LRRC4C: variants seen among roughly 807,000 people sequenced by gnomAD.
LRRC4C encodes leucine-rich repeat-containing protein 4C.
LRRC4C carries 5 observed loss-of-function variants against 33.6 expected under a neutral mutation model. The observed-to-expected ratio is 0.15, with a 90% confidence interval of 0.08 to 0.31. The LOEUF (loss-of-function observed/expected upper bound fraction) is 0.31. LRRC4C is among the 10% of genes least tolerant of loss of function. The pLI is 1.00. For synonymous variants in LRRC4C, 329 were observed against 302.0 expected, an observed-to-expected ratio of 1.09 and a Z score of -0.93; for missense variants, 560 against 796.7, an observed-to-expected ratio of 0.70 and a Z score of 3.58.
At chr11:40,500,704 A>G (rs1954719721) in intron 3 of LRRC4C, among the ~76,000 whole-genome samples, 1 of 152,056 alleles carries the variant, frequency 6.6e-6, no homozygotes, top group Non-Finnish European at 1.5e-5. Flanking sequence ...TCCACAACAC[A>G]TGGAAATTAT....
intron 3 of LRRC4C, among the ~76,000 whole-genome samples, chr11:40,549,603 T>G (rs1019717743): frequency 6.6e-6 from 1 of 152,098 alleles, no homozygotes; most frequent in African/African-American, 2.4e-5. Flanking sequence ...GTCTAAGAAA[T>G]AAGAAAGCTG....
At chr11:40,782,426 C>T (rs1190728300) in intron 2 of LRRC4C, among the ~76,000 whole-genome samples, 1 of 151,444 alleles carries the variant, frequency 6.6e-6, no homozygotes, top group African/African-American at 2.4e-5. Flanking sequence ...GCCCACAGCT[C>T]CTCCCACCTA....
chr11:41,252,939 T>G (rs1046941329), intron 1 of LRRC4C, among the ~76,000 whole-genome samples: 1 of 152,134 alleles, frequency 6.6e-6, no homozygotes, highest in Non-Finnish European at 1.5e-5. Context: ...ACTGTGTCCC[T>G]CCTACAACAT....
At chr11:41,335,278 C>A (rs1314228829) in intron 1 of LRRC4C, among the ~76,000 whole-genome samples, 1 of 152,044 alleles carries the variant, frequency 6.6e-6, no homozygotes, top group Non-Finnish European at 1.5e-5. Flanking sequence ...TAAAAGCAGA[C>A]CAGTAAACTA....
At chr11:40,797,883 C>T (rs1033902374) in intron 2 of LRRC4C, among the ~76,000 whole-genome samples, 1 of 152,200 alleles carries the variant, frequency 6.6e-6, no homozygotes, top group Non-Finnish European at 1.5e-5. Context: ...ACTCCATCTA[C>T]ATGACAAATA....
At chr11:40,981,805 C>T (rs913433917) in intron 1 of LRRC4C, among the ~76,000 whole-genome samples, 14 of 152,200 alleles carry the variant, frequency 9.2e-5, no homozygotes, top group Admixed American at 2.6e-4. Flanking sequence ...TTACAATATT[C>T]CATTAGCCAA....
At chr11:40,771,078 T>G (rs1949736782) in intron 2 of LRRC4C, among the ~76,000 whole-genome samples, 1 of 152,246 alleles carries the variant, frequency 6.6e-6, no homozygotes, top group African/African-American at 2.4e-5. Flanking sequence ...TGAACTCACC[T>G]TTCCCTTCTG....
chr11:40,437,958 C>A (rs769150389), intron 3 of LRRC4C, among the ~76,000 whole-genome samples: 10 of 152,156 alleles, frequency 6.6e-5, no homozygotes, highest in Non-Finnish European at 1.2e-4. Flanking sequence ...CATCAGCCAC[C>A]CAAAGTGCTG....
At chr11:41,451,945 GC>G (rs376848021) in intron 1 of LRRC4C, among the ~76,000 whole-genome samples, 3 of 151,916 alleles carry the variant, frequency 2.0e-5, no homozygotes, top group East Asian at 1.9e-4. Context: ...GTCTCCAACA[GC>G]AAAAAATTAG....
chr11:41,294,213 A>G (rs1023080962), intron 1 of LRRC4C, among the ~76,000 whole-genome samples: 12 of 152,198 alleles, frequency 7.9e-5, no homozygotes, highest in African/African-American at 2.9e-4. Flanking sequence ...ATTCACACAC[A>G]CATTGCCTAG....
intron 3 of LRRC4C, among the ~76,000 whole-genome samples, chr11:40,647,713 A>G (rs911359717): frequency 6.6e-6 from 1 of 152,322 alleles, no homozygotes; most frequent in East Asian, 1.9e-4. Flanking sequence ...CATATTAATG[A>G]TTGAACCACT....
chr11:41,307,051 A>G (rs1180993075), intron 1 of LRRC4C, among the ~76,000 whole-genome samples: 1 of 152,180 alleles, frequency 6.6e-6, no homozygotes, highest in Non-Finnish European at 1.5e-5. Context: ...TTCTCTCACA[A>G]TATGATATTT....
At chr11:40,810,459 A>G (rs978154854) in intron 2 of LRRC4C, among the ~76,000 whole-genome samples, 9 of 152,206 alleles carry the variant, frequency 5.9e-5, no homozygotes, top group Non-Finnish European at 8.8e-5. Flanking sequence ...GTTTTAAATA[A>G]CATCTGTAAG....
intron 1 of LRRC4C, among the ~76,000 whole-genome samples, chr11:41,091,075 G>A (rs112950399): frequency 1.7e-4 from 26 of 152,102 alleles, no homozygotes; most frequent in African/African-American, 6.3e-4. Context: ...AACTGAGATG[G>A]CACACTGGTC....
intron 2 of LRRC4C, among the ~76,000 whole-genome samples, chr11:40,682,019 T>G (rs960094443): frequency 1.3e-3 from 199 of 152,072 alleles, no homozygotes; most frequent in African/African-American, 4.1e-3. Context: ...TGATGGGTGC[T>G]CCAGGCTCTC....
chr11:41,005,350 TCC>T (rs1189741819), intron 1 of LRRC4C, among the ~76,000 whole-genome samples: 2 of 152,130 alleles, frequency 1.3e-5, no homozygotes, highest in Non-Finnish European at 2.9e-5. Context: ...ATGCCTATAA[TCC>T]CAGCACTTTG....
intron 3 of LRRC4C, among the ~76,000 whole-genome samples, chr11:40,356,284 T>G (rs1209939585): frequency 6.6e-6 from 1 of 152,188 alleles, no homozygotes; most frequent in Non-Finnish European, 1.5e-5. Flanking sequence ...TGCGTCAGAA[T>G]GAGCCAGCTC....
chr11:40,483,590 T>C (rs1220508605), intron 3 of LRRC4C, among the ~76,000 whole-genome samples: 1 of 151,996 alleles, frequency 6.6e-6, no homozygotes, highest in African/African-American at 2.4e-5. Context: ...AGTTGGTGAC[T>C]GATTGCAGGA....
intron 3 of LRRC4C, among the ~76,000 whole-genome samples, chr11:40,371,377 T>C (rs1012533536): frequency 2.0e-5 from 3 of 152,204 alleles, no homozygotes; most frequent in African/African-American, 7.2e-5. Context: ...TTTTGACAAG[T>C]CTATTGGGAA....
Sources: gnomAD v4.1 joint callset for allele counts (sites outside exome capture counted in the v4.1 genomes callset) on GRCh38, gnomAD v4.1.1 for gene constraint, MANE v1.5 for transcripts, NCBI Gene and HGNC (gene_info 2026-07-23, HGNC 2026-07-21) for gene names.